Variants in CDCP1 observed in about 807,000 individuals in gnomAD.
The protein encoded by CDCP1 is CUB domain containing protein 1.
Under a neutral mutation model 60.2 loss-of-function variants are expected in CDCP1, and 29 were observed. The ratio of observed to expected loss-of-function variants is 0.48; its 90% confidence interval spans 0.36 to 0.66. The LOEUF is 0.66. Ranked by LOEUF, CDCP1 falls within the 30% of genes least tolerant of loss-of-function variation. CDCP1 has a pLI of 0.00. For missense variants in CDCP1, 876 were observed against 1,074.3 expected (o/e 0.82, Z 2.58); for synonymous variants, 387 against 431.1 (o/e 0.90, Z 1.27).
intron 1 of CDCP1, among the ~76,000 whole-genome samples, chr3:45,138,177 G>A (rs1253067000): frequency 3.3e-5 from 5 of 152,238 alleles, no homozygotes; most frequent in Non-Finnish European, 7.3e-5. Context: ...ATTCATGTGT[G>A]TGCAGGCACT....
chr3:45,093,598 T>C lies in CDCP1; in HGVS notation c.1306A>G (p.Ile436Val), dbSNP rs764369401. ...KSYSLQVPSDILHLPVELHDF... is the reference protein window; with the variant it reads ...KSYSLQVPSDVLHLPVELHDF... ...TGCAGCTCCACAGGCAGGTGGAGGA[T>C]GTCACTGGGCACCTGGAGTGAGTAG... The change falls in exon 6 of 9, where the codon ATC becomes GTC. Residue 436 changes from isoleucine to valine, a missense_variant. Physicochemically the swap from Ile to Val is conservative, Grantham distance 29. Transcript: ENST00000296129. 25 of 1,614,066 alleles carry C rather than the reference T, an allele frequency of 1.5e-5. No individual in the cohort carries two copies. In the South Asian group the frequency reaches 2.4e-4, roughly 16 times the overall value.
chr3:45,107,501 C>T (rs534996858), intron 4 of CDCP1, among the ~76,000 whole-genome samples: 6 of 152,264 alleles, frequency 3.9e-5, no homozygotes, highest in Middle Eastern at 6.8e-3. Context: ...CCACCGCGCC[C>T]GGCCCGTGTT....
intron 1 of CDCP1, among the ~76,000 whole-genome samples, chr3:45,144,791 C>A (rs1029034970): frequency 6.6e-6 from 1 of 152,146 alleles, no homozygotes; most frequent in African/African-American, 2.4e-5. Flanking sequence ...CCTTTTTATT[C>A]TTAAACTAAT....
At chr3:45,096,623 CAAAAA>C (rs5848726) in intron 4 of CDCP1, among the ~76,000 whole-genome samples, 8 of 53,184 alleles carry the variant, frequency 1.5e-4, no homozygotes, top group Non-Finnish European at 2.3e-4. Flanking sequence ...GACTCCGTCT[CAAAAA>C]AAAAAAAAAA....
chr3:45,117,392 C>A (rs928590020), intron 2 of CDCP1, among the ~76,000 whole-genome samples: 3 of 152,172 alleles, frequency 2.0e-5, no homozygotes, highest in Non-Finnish European at 4.4e-5. Flanking sequence ...TCACAACTCT[C>A]TTGTTTGGTA....
intron 1 of CDCP1, among the ~76,000 whole-genome samples, chr3:45,135,958 A>G (rs1699184521): frequency 6.6e-6 from 1 of 152,210 alleles, no homozygotes. Context: ...ACAAAAAGGA[A>G]CTAGGCCAAA....
intron 1 of CDCP1, among the ~76,000 whole-genome samples, chr3:45,122,043 GTTC>G (rs551822980): frequency 1.2e-3 from 179 of 152,010 alleles, no homozygotes; most frequent in African/African-American, 3.9e-3. Flanking sequence ...TCTCCACTCA[GTTC>G]TTCTCTGTTG....
chr3:45,112,399 G>A lies in CDCP1; in HGVS notation c.339C>T (p.Pro113=). ...PCPFGEVQLQ[P]STSLLPTLNR... The stretch of plus-strand genomic sequence containing the variant: ...TGAGGGTAGGCAACAACGATGTCGA[G>A]GGCTGAAGCTGAACCTCCCCAAAAG... The change falls in exon 3 of 9, where the codon CCC becomes CCT. Residue 113 remains proline, a synonymous_variant. Transcript: ENST00000296129. 1 of 1,614,214 alleles carries A rather than the reference G, an allele frequency of 6.2e-7. No individual in the cohort carries two copies.
At position 45,089,007 on chromosome 3, in the gene CDCP1, C is replaced by G. The variant is rs747742572; in HGVS notation, c.2081+47G>C. ...GAACAATCCACCCAGTCTGTGTGAT[C>G]TGAGGAGGCATCAAATCAGATAAAG... On this transcript the variant is annotated intron_variant, in intron 8 of 8. Coordinates refer to ENST00000296129, the MANE Select transcript of CDCP1 (RefSeq NM_022842.5). 3 of 1,397,962 alleles carry G rather than the reference C, an allele frequency of 2.1e-6. No individual in the cohort carries two copies. The South Asian group carries it at 3.5e-5, about 16-fold the overall frequency. The allele number at this position is 1,397,962 out of a possible 1,614,324, so 86.6% of individuals were successfully genotyped here.
chr3:45,123,083 C>G (rs1698915198), intron 1 of CDCP1, among the ~76,000 whole-genome samples: 2 of 151,884 alleles, frequency 1.3e-5, no homozygotes, highest in South Asian at 4.2e-4. Flanking sequence ...ATTGTTCCAA[C>G]TCTAAGCGTT....
intron 1 of CDCP1, among the ~76,000 whole-genome samples, chr3:45,131,012 G>C (rs927340606): frequency 2.6e-5 from 4 of 152,060 alleles, no homozygotes; most frequent in African/African-American, 9.7e-5. Flanking sequence ...GACCACCAGC[G>C]AATGACACCA....
Position 45,108,926 on chromosome 3 carries a change from TGCA to T in CDCP1, c.1024+1544_1024+1546del. ...ATGCATGTATACATATATATATATATGCATGTATACATATATATATATATATAT... is the reference window on the plus strand; with the variant it reads ...ATGCATGTATACATATATATATATATTGTATACATATATATATATATATAT... On this transcript the variant is annotated intron_variant, in intron 4 of 8. Coordinates refer to ENST00000296129, the MANE Select transcript of CDCP1 (RefSeq NM_022842.5). Among the ~76,000 whole-genome samples the T allele has an allele frequency of 5.2e-5, 3 of 57,216 alleles. 1 individual carries two copies. The highest frequency in any genetic ancestry group is 1.8e-4 in the African/African-American group (3 of 17,042). The allele number at this position is 57,216 out of a possible 152,430, so 37.5% of individuals were successfully genotyped here. A position where few individuals can be genotyped will look rare whatever the true frequency, so the allele number is the denominator to read the frequency against.
chr3:45,095,620 G>A, intron 4 of CDCP1, 52 bp from the exon 5 acceptor site: 1 of 1,521,838 alleles, frequency 6.6e-7, no homozygotes, highest in Non-Finnish European at 9.1e-7. Flanking sequence ...CAGCAACACG[G>A]GAAATGGCAA....
chr3:45,126,054 CT>C (rs1698976678), intron 1 of CDCP1, among the ~76,000 whole-genome samples: 1 of 152,198 alleles, frequency 6.6e-6, no homozygotes, highest in African/African-American at 2.4e-5. Context: ...GCTGCCAAGG[CT>C]GGTCAAGTTA....
At chr3:45,121,015 C>A (rs1360529537) in intron 1 of CDCP1, among the ~76,000 whole-genome samples, 3 of 152,132 alleles carry the variant, frequency 2.0e-5, no homozygotes, top group African/African-American at 7.2e-5. Flanking sequence ...GCCCCACGAC[C>A]AAGGCAGTGC....
intron 4 of CDCP1, among the ~76,000 whole-genome samples, chr3:45,099,676 C>T (rs567108963): frequency 6.2e-4 from 95 of 152,116 alleles, no homozygotes; most frequent in Non-Finnish European, 1.2e-3. Context: ...CTTTCTATCG[C>T]GCTGGCTTTT....
chr3:45,089,336 A>G (rs1698253022), intron 7 of CDCP1, among the ~76,000 whole-genome samples, 195 bp from the exon 8 acceptor site: 1 of 152,246 alleles, frequency 6.6e-6, no homozygotes, highest in Non-Finnish European at 1.5e-5. Flanking sequence ...GTCAGCCAAT[A>G]TAAGGCAACT....
chr3:45,106,696 T>G (rs1429576545), intron 4 of CDCP1, among the ~76,000 whole-genome samples: 3 of 152,148 alleles, frequency 2.0e-5, no homozygotes, highest in Non-Finnish European at 4.4e-5. Flanking sequence ...AGTGCACTCC[T>G]GGGGTAGTGG....
chr3:45,135,077 C>T (rs909959883), intron 1 of CDCP1, among the ~76,000 whole-genome samples: 1 of 152,112 alleles, frequency 6.6e-6, no homozygotes, highest in African/African-American at 2.4e-5. Flanking sequence ...GTTTGGGCAT[C>T]ATAATGAAGT....
Sources: gnomAD v4.1 joint callset for allele counts (sites outside exome capture counted in the v4.1 genomes callset) on GRCh38, gnomAD v4.1.1 for gene constraint, MANE v1.5 for transcripts, NCBI Gene and HGNC (gene_info 2026-07-23, HGNC 2026-07-21) for gene names.